FTCD: variants seen among roughly 807,000 people sequenced by gnomAD.
The protein encoded by FTCD is formimidoyltransferase cyclodeaminase, also known as formimidoyltransferase-cyclodeaminase.
Under a neutral mutation model 62.9 loss-of-function variants are expected in FTCD, and 76 were observed. The ratio of observed to expected loss-of-function variants is 1.21; its 90% CI spans 1.00 to 1.46. The LOEUF (loss-of-function observed/expected upper bound fraction) is 1.46, where lower values mean the gene tolerates loss of function less well. Among genes scored for constraint, FTCD ranks in the 40% most tolerant of loss-of-function variants. FTCD has a pLI of 0.00. For synonymous variants in FTCD, 397 were observed against 336.9 expected, an observed-to-expected ratio of 1.18 and a Z score of -1.95; for missense variants, 845 against 751.3, an observed-to-expected ratio of 1.12 and a Z score of -1.46.
At chr21:46,155,248 C>T (rs1007054981) in intron 1 of FTCD, among the ~76,000 whole-genome samples, 3 of 152,206 alleles carry the variant, frequency 2.0e-5, no homozygotes, top group African/African-American at 7.2e-5. Flanking sequence ...ACAGCCAAGC[C>T]TCAGCCCCCA....
chr21:46,140,577 G>A (rs1305806803), intron 10 of FTCD, among the ~76,000 whole-genome samples: 16 of 110,064 alleles, frequency 1.5e-4, no homozygotes, highest in South Asian at 6.2e-4. Context: ...CCACCTTCAC[G>A]TGGCTCACAG....
rs2079133234 is a variant in FTCD at position 46,145,832 on chromosome 21, C to T, written c.1084G>A (p.Ala362Thr). 1.7e-5 allele frequency: 23 copies of T among 1,328,350 alleles called. No individual in the cohort carries two copies. Among genetic ancestry groups the T allele is most frequent in the Non-Finnish European group, 2.1e-5 (22 of 1,029,596 alleles). 82.3% of individuals were successfully genotyped at this position (1,328,350 alleles called of 1,614,324 possible). Reference protein sequence around the residue: ...AAPGGGSVAAAAAAMGAALGS... With the variant: ...AAPGGGSVAATAAAMGAALGS... ...CCCGCGCTCACCATGGCCGCAGCGG[C>T]CGCCGCCACCGAGCCGCCCCCGGGG... Residue 362 changes from alanine to threonine, a missense_variant, in exon 9 of 14, where the codon GCC becomes ACC. Coordinates refer to ENST00000397746, the MANE Select transcript of FTCD (RefSeq NM_206965.2).
intron 2 of FTCD, among the ~76,000 whole-genome samples, chr21:46,153,655 T>C (rs1182358814): frequency 6.6e-6 from 1 of 152,230 alleles, no homozygotes; most frequent in Non-Finnish European, 1.5e-5. Context: ...TCAGGATCAC[T>C]GTGGATCCCT....
Position 46,150,147 on chromosome 21 carries a change from A to T in FTCD, c.878T>A (p.Ile293Asn). The T allele has an allele frequency of 6.3e-7, 1 of 1,593,590 alleles. No individual in the cohort carries two copies. Among genetic ancestry groups the T allele is most frequent in the Non-Finnish European group, 8.6e-7 (1 of 1,169,262 alleles). The change falls in exon 7 of 14, where the codon ATC becomes AAC. Residue 293 changes from isoleucine (I) to asparagine (N), a missense_variant. Physicochemically the swap from Ile to Asn is moderately radical, Grantham distance 149 (BLOSUM62 -3). Coordinates refer to ENST00000397746, the MANE Select transcript of FTCD (RefSeq NM_206965.2). ...AFYCEKENLF[I>N]LEEEQRIRLV... The stretch of plus-strand genomic sequence containing the variant: ...CCTGATCCGCTGCTCCTCCTCCAGG[A>T]TGAAGAGGTTCTCCTTCTCGCAGTA...
At chr21:46,146,471 G>C (rs1402536400) in intron 7 of FTCD, 144 bp from the exon 8 acceptor site, 8 of 665,520 alleles carry the variant, frequency 1.2e-5, no homozygotes, top group Non-Finnish European at 1.9e-5. Context: ...GCAGGGGCGT[G>C]GCTGGCACCC....
At position 46,145,921 on chromosome 21, in the gene FTCD, T is replaced by C; in HGVS notation, c.995A>G (p.Glu332Gly). The change falls in exon 9 of 14, where the codon GAG becomes GGG. Residue 332 changes from glutamate to glycine, a missense_variant. Coordinates refer to ENST00000397746, the MANE Select transcript of FTCD (RefSeq NM_206965.2). ...CAGGGACTTGCTGCCCAGGCCTCGC[T>C]CAGGCCCGCGCTCAGGGACCAGGTA... Reference protein sequence around the residue: ...IEYLVPERGPERGLGSKSLRA... With the variant: ...IEYLVPERGPGRGLGSKSLRA... 6.7e-7 allele frequency: 1 copy of C among 1,501,236 alleles called. No individual in the cohort carries two copies. Among genetic ancestry groups the C allele is most frequent in the Non-Finnish European group, 8.8e-7 (1 of 1,132,272 alleles). The allele number at this position is 1,501,236 out of a possible 1,614,324, so 93.0% of individuals were successfully genotyped here.
intron 1 of FTCD, among the ~76,000 whole-genome samples, chr21:46,154,625 C>T (rs558811591): frequency 1.3e-5 from 2 of 152,358 alleles, no homozygotes; most frequent in South Asian, 4.1e-4. Flanking sequence ...ATGCCAGAGA[C>T]GTGGCCGGGG....
intron 13 of FTCD, 53 bp from the exon 14 acceptor site, chr21:46,137,126 T>C: frequency 1.2e-6 from 2 of 1,606,718 alleles, no homozygotes; most frequent in East Asian, 2.2e-5. Flanking sequence ...CAGCCCAGCT[T>C]GCTGGGCAGC....
intron 3 of FTCD, chr21:46,152,321 G>C (rs926762112): frequency 1.0e-5 from 3 of 292,704 alleles, no homozygotes; most frequent in African/African-American, 2.2e-5. Flanking sequence ...TAAATATAAC[G>C]GCAGAGAAGA....
chr21:46,144,121 G>A (rs1379165238), intron 10 of FTCD, among the ~76,000 whole-genome samples: 1 of 151,860 alleles, frequency 6.6e-6, no homozygotes, highest in Non-Finnish European at 1.5e-5. Context: ...TGTGACTCAC[G>A]TGACCTTATC....
chr21:46,145,706 G>C, intron 9 of FTCD, 112 bp downstream of exon 9: 1 of 348,092 alleles, frequency 2.9e-6, no homozygotes, highest in East Asian at 7.3e-5. Context: ...CTCCACCCAG[G>C]GCGGCCCCAC....
At chr21:46,148,281 G>A (rs1251377654) in intron 7 of FTCD, among the ~76,000 whole-genome samples, 1 of 152,222 alleles carries the variant, frequency 6.6e-6, no homozygotes, top group African/African-American at 2.4e-5. Flanking sequence ...ATCATGGGGA[G>A]TCGGCGTCTC....
Position 46,154,326 on chromosome 21 carries a change from C to T in FTCD, c.61G>A (p.Asp21Asn), listed in dbSNP as rs750462888. ...TGTGTGATGGCTCCAGAGATGGCGT[C>T]GATCACCTGGGACACAGGCCCGGCC... ...FSEGKNQEVI[D>N]AISGAITQTP... Residue 21 changes from aspartate (D) to asparagine (N), a missense_variant, in exon 2 of 14, where the codon GAC becomes AAC. Transcript: ENST00000397746. 54 of 1,609,752 alleles carry T rather than the reference C, an allele frequency of 3.4e-5. No homozygotes were observed. The highest frequency in any genetic ancestry group is 6.6e-5 in the South Asian group (6 of 90,792).
chr21:46,150,088 T>G, intron 7 of FTCD, 31 bp downstream of exon 7: 7 of 907,732 alleles, frequency 7.7e-6, no homozygotes, highest in Non-Finnish European at 1.2e-5. Context: ...TGCACGCCCC[T>G]GTCCGACCCT....
chr21:46,141,023 T>A (rs1322644797), intron 10 of FTCD, among the ~76,000 whole-genome samples: 1 of 152,266 alleles, frequency 6.6e-6, no homozygotes, highest in East Asian at 1.9e-4. Context: ...AAACCACACG[T>A]CTTGTTTCCT....
Position 46,145,597 on chromosome 21 carries a change from T to TG in FTCD, c.1099-20dup, listed in dbSNP as rs541370678. ...CCGCACCCTGCGAGAGGGGTGGATG[T>TG]GGGGGTCGCAGGGACCCCAGACGGC... On this transcript the variant is annotated intron_variant, in intron 9 of 13. Transcript: ENST00000397746. 3.3e-4 allele frequency: 510 copies of TG among 1,524,516 alleles called. 2 individuals are homozygous for TG. The Admixed American group carries it at 9.6e-3, about 29-fold the overall frequency. 94.4% of individuals were successfully genotyped at this position (1,524,516 alleles called of 1,614,324 possible).
rs761465271 is a variant in FTCD, at chr21:46,138,609, C to G, written c.1342G>C (p.Val448Leu). The change falls in exon 12 of 14, where the codon GTC (valine) becomes CTC (leucine). Residue 448 changes from valine (V) to leucine (L), a missense_variant. Val to Leu is a conservative substitution (Grantham distance 32, BLOSUM62 1). Transcript: ENST00000397746. ...TCCGCCAGCGTCAGCGGCACAGAGACTGCCCGCCTCAGACCCTCCTGTAGG... is the reference window on the plus strand; with the variant it reads ...TCCGCCAGCGTCAGCGGCACAGAGAGTGCCCGCCTCAGACCCTCCTGTAGG... Reference protein sequence around the residue: ...AALQEGLRRAVSVPLTLAETV... With the variant: ...AALQEGLRRALSVPLTLAETV... 37 of 1,592,324 alleles carry G rather than the reference C, an allele frequency of 2.3e-5. No homozygotes were observed.
chr21:46,146,190 G>A, intron 8 of FTCD, 76 bp downstream of exon 8: 1 of 1,062,368 alleles, frequency 9.4e-7, no homozygotes, highest in Non-Finnish European at 1.4e-6. Context: ...CTCCACGCAG[G>A]GACCCCAGCG....
At chr21:46,141,589 A>C (rs1395644764) in intron 10 of FTCD, among the ~76,000 whole-genome samples, 8 of 152,162 alleles carry the variant, frequency 5.3e-5, no homozygotes, top group Admixed American at 5.2e-4. Context: ...CAAAAAATAT[A>C]AAGTCAGGAT....
Sources: gnomAD v4.1 joint callset for allele counts (sites outside exome capture counted in the v4.1 genomes callset) on GRCh38, gnomAD v4.1.1 for gene constraint, MANE v1.5 for transcripts, NCBI Gene and HGNC (gene_info 2026-07-23, HGNC 2026-07-21) for gene names.